Variants in KLHL35 observed in about 807,000 individuals in gnomAD.
KLHL35 encodes the protein kelch like family member 35.
In KLHL35, 50 loss-of-function variants were observed where a neutral mutation model predicts 44.0. The observed-to-expected ratio is 1.14, with a 90% CI of 0.91 to 1.44. The LOEUF (loss-of-function observed/expected upper bound fraction) is 1.44, where lower values mean the gene tolerates loss of function less well. KLHL35 is among the 40% of genes most tolerant of loss of function. KLHL35 has a pLI of 0.00. For synonymous variants in KLHL35, 470 were observed against 410.4 expected (o/e 1.15, Z -1.76); for missense variants, 1,049 against 887.8 (o/e 1.18, Z -2.31).
At position 75,430,251 on chromosome 11, in the gene KLHL35, G is replaced by GCACGGCCGCCGC. The variant is rs1402848397; in HGVS notation, c.367_378dup (p.Ala123_Val126dup). ...ACGCCCAGCCGCTCCGCCAGCGCCA[G>GCACGGCCGCCGC]CACGGCCGCCGCCTCGTCCTCCGCG... On this transcript the variant is annotated inframe_insertion, in exon 2 of 7. Transcript: ENST00000539798. 17 of 1,212,678 alleles carry GCACGGCCGCCGC rather than the reference G, an allele frequency of 1.4e-5. No individual in the cohort carries two copies. In the African/African-American group the frequency reaches 2.6e-4, roughly 18 times the overall value. 75.1% of individuals were successfully genotyped at this position (1,212,678 alleles called of 1,614,324 possible).
rs367936326 is a variant in KLHL35 at position 75,423,809 on chromosome 11, G to A, written c.1446C>T (p.Leu482=). Residue 482 remains leucine (L), a synonymous_variant, in exon 6 of 7, where the codon CTC becomes CTT. Transcript: ENST00000539798. ...RSPAPFSQRC[L]EAVSLEDTIY... is the part of the protein sequence containing the mutation. ...TGGTGTCCTCAAGGGAGACAGCCTCGAGACACCGCTGTGAGAAGGGTGCTG... is the reference window on the plus strand; with the variant it reads ...TGGTGTCCTCAAGGGAGACAGCCTCAAGACACCGCTGTGAGAAGGGTGCTG... 6.8e-6 allele frequency: 11 copies of A among 1,613,674 alleles called. No individual in the cohort carries two copies. Among genetic ancestry groups the A allele is most frequent in the Admixed American group, 6.7e-5 (4 of 59,980 alleles).
At chr11:75,431,841 A>G (rs1948539595) in intron 1 of KLHL35, among the ~76,000 whole-genome samples, 1 of 152,148 alleles carries the variant, frequency 6.6e-6, no homozygotes, top group Non-Finnish European at 1.5e-5. Context: ...GTTTCCCTAT[A>G]TTGCTTTTAC....
chr11:75,424,269 A>G (rs1172392919), intron 5 of KLHL35: 2 of 200,964 alleles, frequency 1.0e-5, no homozygotes, highest in Non-Finnish European at 2.0e-5. Context: ...TTAATCATAG[A>G]GCACATCATA....
rs370183834 is a variant in KLHL35 at position 75,422,648 on chromosome 11, G to A, written c.1684C>T (p.Gln562Ter). 8 of 1,613,966 alleles carry A rather than the reference G, an allele frequency of 5.0e-6. No homozygotes were observed. The African/African-American group carries it at 9.3e-5, about 19-fold the overall frequency. Reference protein sequence around the residue: ...FDPSSGQVEVQPSLQRCTSSH... With the variant: ...FDPSSGQVEV Reference sequence around the variant, plus strand: ...CTGGTGCAGCGCTGCAGGGATGGCTGGACCTCCACCTGCCCACTGCTGGGG... The same window carrying A: ...CTGGTGCAGCGCTGCAGGGATGGCTAGACCTCCACCTGCCCACTGCTGGGG... The change falls in exon 7 of 7, where the codon CAG becomes TAG. Residue 562 changes from glutamine (Q) to a stop codon, truncating the protein, a stop_gained. Transcript: ENST00000539798. LOFTEE classifies it high-confidence loss of function.
chr11:75,432,456 TGGAA>T (rs1471651670), intron 1 of KLHL35, among the ~76,000 whole-genome samples: 1 of 152,022 alleles, frequency 6.6e-6, no homozygotes, highest in Non-Finnish European at 1.5e-5. Context: ...CCAGGACCGG[TGGAA>T]GGAAGTGAGA....
In KLHL35 at chr11:75,430,479, C is replaced by T. The variant is rs1025025991; in HGVS notation, c.151G>A (p.Asp51Asn). The change falls in exon 2 of 7, where the codon GAC becomes AAC. Residue 51 changes from aspartate to asparagine, a missense_variant. Coordinates refer to ENST00000539798, the MANE Select transcript of KLHL35 (RefSeq NM_001039548.3). ...AGCGCCGCGCGGTGGCACGGAAAGT[C>T]GCGCCCGCCGGCGCGCAGCACCACG... ...TDVVLRAGGR[D>N]FPCHRAALSA... is the part of the protein sequence containing the mutation. 7.1e-7 allele frequency: 1 copy of T among 1,403,848 alleles called. No individual in the cohort carries two copies. The highest frequency in any genetic ancestry group is 9.2e-7 in the Non-Finnish European group (1 of 1,082,528). The allele number at this position is 1,403,848 out of a possible 1,614,324, so 87.0% of individuals were successfully genotyped here.
rs1948493473 is a variant in KLHL35, at chr11:75,426,499, G to A, written c.1185+21C>T. The A allele has an allele frequency of 2.6e-6, 4 of 1,522,716 alleles. No homozygotes were observed. In the African/African-American group the frequency reaches 5.5e-5, roughly 21 times the overall value. 94.3% of individuals were successfully genotyped at this position (1,522,716 alleles called of 1,614,324 possible). A position where few individuals can be genotyped will look rare whatever the true frequency, so the allele number is the denominator to read the frequency against. On this transcript the variant is annotated intron_variant, in intron 4 of 6. Coordinates refer to ENST00000539798, the MANE Select transcript of KLHL35 (RefSeq NM_001039548.3). ...GATCTGTACCTTGTGTCCCAGGGCAGCCGCTGCAGCTCGTGCCTACCTGCC... is the reference window on the plus strand; with the variant it reads ...GATCTGTACCTTGTGTCCCAGGGCAACCGCTGCAGCTCGTGCCTACCTGCC...
rs771435720 is a variant in KLHL35, at chr11:75,428,522, C to A, written c.986G>T (p.Trp329Leu). The change falls in exon 3 of 7, where the codon TGG (tryptophan) becomes TTG (leucine). Residue 329 changes from tryptophan to leucine, a missense_variant. By Grantham distance (61) the Trp-to-Leu change is moderately conservative (BLOSUM62 -2). Coordinates refer to ENST00000539798, the MANE Select transcript of KLHL35 (RefSeq NM_001039548.3). ...ADAYHPESQR[W>L]TPLPSLPGYT... Reference sequence around the variant, plus strand: ...GCCGGGCAGGCTGGGCAGTGGGGTCCACCGCTGGCTCTCTGGATGGTAGGC... The same window carrying A: ...GCCGGGCAGGCTGGGCAGTGGGGTCAACCGCTGGCTCTCTGGATGGTAGGC... 21 of 1,612,346 alleles carry A rather than the reference C, an allele frequency of 1.3e-5. No individual in the cohort carries two copies. The South Asian group carries it at 2.2e-4, about 17-fold the overall frequency.
rs1186699704 is a variant in KLHL35 at position 75,425,575 on chromosome 11, C to T, written c.1192G>A (p.Ala398Thr). 20 of 1,477,806 alleles carry T rather than the reference C, an allele frequency of 1.4e-5. No individual in the cohort carries two copies. Among genetic ancestry groups the T allele is most frequent in the South Asian group, 8.4e-5 (6 of 71,832 alleles). The allele number at this position is 1,477,806 out of a possible 1,614,324, so 91.5% of individuals were successfully genotyped here. ...KMAVVQGQLF[A>T]VGGFDGLRRL... ...CTCAGGCCGTCGAAGCCACCCACCGCGAACAGCTGCAAGTGAGGACATGGG... is the reference window on the plus strand; with the variant it reads ...CTCAGGCCGTCGAAGCCACCCACCGTGAACAGCTGCAAGTGAGGACATGGG... Residue 398 changes from alanine to threonine, a missense_variant, in exon 5 of 7, where the codon GCG becomes ACG. Physicochemically the swap from Ala to Thr is moderately conservative, Grantham distance 58. Transcript: ENST00000539798.
At position 75,426,613 on chromosome 11, in the gene KLHL35, C is replaced by T. The variant is rs1198033894; in HGVS notation, c.1092G>A (p.Val364=). 6 of 1,603,364 alleles carry T rather than the reference C, an allele frequency of 3.7e-6. No homozygotes were observed. The highest frequency in any genetic ancestry group is 1.3e-5 in the African/African-American group (1 of 74,918). ...TGTGCAGATGGGAGCTAAACATCCA[C>T]ACATCATGACTGTTGATGTGGCCTC... ...VSGGHINSHD[V]WMFSSHLHTW... The change falls in exon 4 of 7, where the codon GTG becomes GTA. Residue 364 remains valine, a synonymous_variant. Transcript: ENST00000539798.
In KLHL35 at chr11:75,430,004, C is replaced by T; in HGVS notation, c.626G>A (p.Gly209Asp). The change falls in exon 2 of 7, where the codon GGC becomes GAC. Residue 209 changes from glycine to aspartate, a missense_variant. Gly to Asp is a moderately conservative substitution (Grantham distance 94). Transcript: ENST00000539798. Reference protein sequence around the residue: ...VVALLADPALGVAREEAVFEA... With the variant: ...VVALLADPALDVAREEAVFEA... ...AAACACGGCCTCCTCGCGCGCCACG[C>T]CCAGCGCGGGGTCCGCCAGCAGCGC... The T allele has an allele frequency of 7.1e-7, 1 of 1,416,748 alleles. No homozygotes were observed. The highest frequency in any genetic ancestry group is 1.4e-5 in the South Asian group (1 of 69,858). 87.8% of individuals were successfully genotyped at this position (1,416,748 alleles called of 1,614,324 possible).
intron 2 of KLHL35, 88 bp downstream of exon 2, chr11:75,429,661 C>A: frequency 3.0e-6 from 4 of 1,325,254 alleles, no homozygotes; most frequent in Non-Finnish European, 2.9e-6. Context: ...CATCAAGAGG[C>A]AGTACTAAAA....
In KLHL35 at chr11:75,429,613, C is replaced by T. The variant is rs995827360; in HGVS notation, c.881+136G>A. The T allele has an allele frequency of 8.1e-5, 92 of 1,134,314 alleles. No homozygotes were observed. The African/African-American group carries it at 1.4e-3, about 17-fold the overall frequency. 70.3% of individuals were successfully genotyped at this position (1,134,314 alleles called of 1,614,324 possible). On this transcript the variant is annotated intron_variant, in intron 2 of 6. Coordinates refer to ENST00000539798, the MANE Select transcript of KLHL35 (RefSeq NM_001039548.3). ...AACTCTTCAAGGGCAGAATTATGGG[C>T]ACCGAGCCTCTAAAATGTTGAACGA...
chr11:75,426,441 G>T, intron 4 of KLHL35, 79 bp downstream of exon 4: 4 of 942,672 alleles, frequency 4.2e-6, no homozygotes, highest in Middle Eastern at 3.2e-4. Context: ...ACAAAGAGAG[G>T]GTTTTAGAGA....
chr11:75,426,377 T>C, intron 4 of KLHL35, 143 bp downstream of exon 4: 1 of 568,468 alleles, frequency 1.8e-6, no homozygotes, highest in Non-Finnish European at 3.1e-6. Context: ...CATCAGCCAT[T>C]ATTATGTGAC....
Position 75,430,248 on chromosome 11 carries a change from C to A in KLHL35, c.382G>T (p.Ala128Ser). 1 of 1,212,920 alleles carries A rather than the reference C, an allele frequency of 8.2e-7. No homozygotes were observed. Among genetic ancestry groups the A allele is most frequent in the Non-Finnish European group, 1.0e-6 (1 of 974,378 alleles). The allele number at this position is 1,212,920 out of a possible 1,614,324, so 75.1% of individuals were successfully genotyped here. Reference protein sequence around the residue: ...RAEDEAAAVLALAERLGVAGL... With the variant: ...RAEDEAAAVLSLAERLGVAGL... Reference sequence around the variant, plus strand: ...GCCACGCCCAGCCGCTCCGCCAGCGCCAGCACGGCCGCCGCCTCGTCCTCC... The same window carrying A: ...GCCACGCCCAGCCGCTCCGCCAGCGACAGCACGGCCGCCGCCTCGTCCTCC... The change falls in exon 2 of 7, where the codon GCG becomes TCG. Residue 128 changes from alanine to serine, a missense_variant. Transcript: ENST00000539798.
intron 5 of KLHL35, chr11:75,424,559 C>T (rs534112846): frequency 2.0e-5 from 3 of 152,886 alleles, no homozygotes; most frequent in Admixed American, 6.5e-5. Flanking sequence ...CCCCTCCCCC[C>T]ACAGCAGCCT....
intron 6 of KLHL35, chr11:75,423,282 G>C: frequency 5.1e-6 from 1 of 197,742 alleles, no homozygotes; most frequent in South Asian, 1.1e-4. Flanking sequence ...GAATTGCAGG[G>C]GCCAGAGCTT....
chr11:75,424,615 C>T (rs1948475767), intron 5 of KLHL35: 1 of 152,264 alleles, frequency 6.6e-6, no homozygotes, highest in Admixed American at 6.5e-5. Context: ...GGGCCTCCCA[C>T]CATGAGTGCC....
Sources: allele counts gnomAD v4.1 joint callset (sites outside exome capture counted in the v4.1 genomes callset), GRCh38; gene constraint gnomAD v4.1.1; transcripts MANE v1.5; gene names NCBI Gene and HGNC (gene_info 2026-07-23, HGNC 2026-07-21).